The following BMAL2 variants were observed in gnomAD, a reference collection of about 807,000 sequenced individuals.
BMAL2 encodes the protein basic helix-loop-helix ARNT like 2.
chr12:27,407,545 C>T, the BMAL2 span, among the ~76,000 whole-genome samples: 2 of 151,894 alleles, frequency 1.3e-5, no homozygotes, highest in Admixed American at 6.6e-5. Flanking sequence ...TTGAAACCAA[C>T]GAGAACAAAG....
At chr12:27,333,725 C>T in the BMAL2 span, among the ~76,000 whole-genome samples, 14 of 152,254 alleles carry the variant, frequency 9.2e-5, no homozygotes, top group African/African-American at 3.1e-4. Context: ...AAGCGACAGG[C>T]GGCTCGTGTC....
the BMAL2 span, chr12:27,402,643 A>G: frequency 1.2e-6 from 2 of 1,612,842 alleles, no homozygotes; most frequent in South Asian, 1.1e-5. Flanking sequence ...CTGGAGAAGC[A>G]TCATTTTTAC....
At chr12:27,382,367 C>T in the BMAL2 span, among the ~76,000 whole-genome samples, 20 of 152,278 alleles carry the variant, frequency 1.3e-4, no homozygotes, top group Non-Finnish European at 2.8e-4. Context: ...ATTAATGAGG[C>T]AAGATCTCTG....
At chr12:27,380,856 C>T in the BMAL2 span, among the ~76,000 whole-genome samples, 2,462 of 151,836 alleles carry the variant, frequency 0.016, 79 homozygotes, top group African/African-American at 0.056. Context: ...TGTGGTCTTG[C>T]GTGCTTGTAG....
chr12:27,368,314 C>T, the BMAL2 span: 27 of 1,614,124 alleles, frequency 1.7e-5, no homozygotes, highest in African/African-American at 5.3e-5. Context: ...TTTCCAGCCG[C>T]GTGAGTCCAG....
At chr12:27,373,096 A>C in the BMAL2 span, among the ~76,000 whole-genome samples, 1 of 152,224 alleles carries the variant, frequency 6.6e-6, no homozygotes, top group African/African-American at 2.4e-5. Context: ...AAGAAGACCC[A>C]GCAGGCAGAG....
chr12:27,358,902 G>A, the BMAL2 span, among the ~76,000 whole-genome samples: 7 of 151,070 alleles, frequency 4.6e-5, no homozygotes, highest in Non-Finnish European at 7.4e-5. Flanking sequence ...TGTAATTTAT[G>A]TGTAATACTA....
At chr12:27,397,448 A>G in the BMAL2 span, among the ~76,000 whole-genome samples, 1 of 152,214 alleles carries the variant, frequency 6.6e-6, no homozygotes, top group Non-Finnish European at 1.5e-5. Flanking sequence ...CCCTTTTACC[A>G]TGACATGTCA....
chr12:27,349,345 C>T, the BMAL2 span, among the ~76,000 whole-genome samples: 1 of 152,200 alleles, frequency 6.6e-6, no homozygotes, highest in Non-Finnish European at 1.5e-5. Flanking sequence ...TTTTAATTCA[C>T]AGCAATGATT....
chr12:27,367,355 T>G, the BMAL2 span, among the ~76,000 whole-genome samples: 1 of 152,216 alleles, frequency 6.6e-6, no homozygotes, highest in African/African-American at 2.4e-5. Flanking sequence ...TGATAACTTA[T>G]GAATGATTTA....
chr12:27,401,133 T>C, the BMAL2 span: 3 of 758,746 alleles, frequency 4.0e-6, no homozygotes, highest in South Asian at 1.7e-5. Flanking sequence ...CCCAGTGATA[T>C]GCATGGGTCA....
chr12:27,367,532 AT>A, the BMAL2 span, among the ~76,000 whole-genome samples: 1 of 152,202 alleles, frequency 6.6e-6, no homozygotes, highest in African/African-American at 2.4e-5. Context: ...TCTCAAAAGG[AT>A]TGTAACATTG....
At chr12:27,337,099 T>G in the BMAL2 span, among the ~76,000 whole-genome samples, 1 of 152,206 alleles carries the variant, frequency 6.6e-6, no homozygotes, top group South Asian at 2.1e-4. Context: ...TTATTTGTAT[T>G]TCATTTCTCT....
chr12:27,424,843 G>GATCTGCT, the BMAL2 span: 1 of 152,214 alleles, frequency 6.6e-6, no homozygotes, highest in African/African-American at 2.4e-5. Context: ...TTCATTAGCA[G>GATCTGCT]ATCTTTTTTT....
the BMAL2 span, among the ~76,000 whole-genome samples, chr12:27,372,855 A>G: frequency 6.6e-6 from 1 of 152,028 alleles, no homozygotes; most frequent in South Asian, 2.1e-4. Flanking sequence ...TTGTATTATT[A>G]GTAGAGACGG....
the BMAL2 span, among the ~76,000 whole-genome samples, chr12:27,364,509 G>T: frequency 6.6e-6 from 1 of 151,972 alleles, no homozygotes; most frequent in Non-Finnish European, 1.5e-5. Context: ...TGGGCTCTTT[G>T]TTCTCTTCCA....
At chr12:27,354,469 C>T in the BMAL2 span, among the ~76,000 whole-genome samples, 1 of 152,236 alleles carries the variant, frequency 6.6e-6, no homozygotes, top group African/African-American at 2.4e-5. Context: ...CTATTGGGCA[C>T]TGTGCTCCCT....
At chr12:27,346,092 A>G in the BMAL2 span, among the ~76,000 whole-genome samples, 1 of 152,190 alleles carries the variant, frequency 6.6e-6, no homozygotes, top group Non-Finnish European at 1.5e-5. Flanking sequence ...AGTCTACTGG[A>G]CTTGATAACT....
At chr12:27,404,713 G>C in the BMAL2 span, among the ~76,000 whole-genome samples, 1 of 152,194 alleles carries the variant, frequency 6.6e-6, no homozygotes, top group African/African-American at 2.4e-5. Flanking sequence ...TTCCAGCTGA[G>C]GTACTGGGTT....
Sources: allele counts gnomAD v4.1 joint callset (sites outside exome capture counted in the v4.1 genomes callset), GRCh38; gene constraint gnomAD v4.1.1; transcripts MANE v1.5; gene names NCBI Gene and HGNC (gene_info 2026-07-23, HGNC 2026-07-21).